The following RAB28 variants were observed in gnomAD, a reference collection of about 807,000 sequenced individuals.
The protein encoded by RAB28 is ras-related protein Rab-28.
In RAB28, 24 loss-of-function variants were observed where a neutral mutation model predicts 31.7. The ratio of observed to expected loss-of-function variants is 0.76; its 90% CI spans 0.55 to 1.06. The LOEUF (loss-of-function observed/expected upper bound fraction) is 1.06, where lower values mean the gene tolerates loss of function less well. Among genes scored for constraint, RAB28 ranks in the 50% least tolerant of loss-of-function variants. The pLI is 0.00. For missense variants in RAB28, 254 were observed against 258.5 expected (o/e 0.98, Z 0.12); for synonymous variants, 100 against 90.4 (o/e 1.11, Z -0.60).
intron 4 of RAB28, among the ~76,000 whole-genome samples, chr4:13,386,885 G>T (rs1480473519): frequency 6.6e-6 from 1 of 152,158 alleles, no homozygotes; most frequent in Admixed American, 6.5e-5. Flanking sequence ...AGACAATGCA[G>T]TACATATGCA....
chr4:13,475,060 T>C (rs1457393245), intron 2 of RAB28, among the ~76,000 whole-genome samples: 1 of 151,656 alleles, frequency 6.6e-6, no homozygotes, highest in Non-Finnish European at 1.5e-5. Context: ...AATATTACAA[T>C]GCTTTCAAAC....
At chr4:13,382,250 A>G (rs1171172189) in intron 4 of RAB28, among the ~76,000 whole-genome samples, 4 of 152,190 alleles carry the variant, frequency 2.6e-5, no homozygotes, top group Non-Finnish European at 1.5e-5. Context: ...CAGTACTCAT[A>G]TCCAATACTG....
intron 4 of RAB28, among the ~76,000 whole-genome samples, chr4:13,422,944 A>G (rs1011141437): frequency 2.0e-5 from 3 of 152,156 alleles, no homozygotes; most frequent in Admixed American, 1.3e-4. Context: ...AAAAAAGTAC[A>G]TAAACTTTAT....
chr4:13,428,824 C>G (rs189549893), intron 4 of RAB28, among the ~76,000 whole-genome samples: 77 of 151,356 alleles, frequency 5.1e-4, no homozygotes, highest in African/African-American at 1.8e-3. Flanking sequence ...AGGATAAACT[C>G]AAAGAGATTT....
chr4:13,453,515 A>G (rs1715087660), intron 4 of RAB28, among the ~76,000 whole-genome samples: 1 of 152,106 alleles, frequency 6.6e-6, no homozygotes, highest in African/African-American at 2.4e-5. Context: ...AGTACCTTGA[A>G]CATTTTTTCT....
intron 4 of RAB28, among the ~76,000 whole-genome samples, chr4:13,452,804 G>C (rs1366556684): frequency 1.3e-5 from 2 of 152,066 alleles, no homozygotes; most frequent in Non-Finnish European, 2.9e-5. Flanking sequence ...CTATCATGCA[G>C]TTTAAATCCA....
chr4:13,436,381 A>C (rs1309752455), intron 4 of RAB28, among the ~76,000 whole-genome samples: 1 of 152,178 alleles, frequency 6.6e-6, no homozygotes, highest in Non-Finnish European at 1.5e-5. Flanking sequence ...GAAAAAAATA[A>C]AGGGCATCCA....
At chr4:13,478,982 G>C (rs1716487915) in intron 2 of RAB28, among the ~76,000 whole-genome samples, 1 of 151,556 alleles carries the variant, frequency 6.6e-6, no homozygotes, top group South Asian at 2.1e-4. Context: ...TCACATATTA[G>C]AGCACAGAAG....
intron 6 of RAB28, among the ~76,000 whole-genome samples, chr4:13,376,041 T>C (rs1728909404): frequency 6.6e-6 from 1 of 152,162 alleles, no homozygotes; most frequent in Non-Finnish European, 1.5e-5. Flanking sequence ...GAAATTATAG[T>C]GGTACTTTAA....
At chr4:13,465,582 ATCT>A (rs1251788884) in intron 3 of RAB28, among the ~76,000 whole-genome samples, 1 of 151,894 alleles carries the variant, frequency 6.6e-6, no homozygotes, top group Non-Finnish European at 1.5e-5. Context: ...AGAAATAAAG[ATCT>A]TCTCAGAAAA....
At chr4:13,406,000 T>A (rs1277513666) in intron 4 of RAB28, among the ~76,000 whole-genome samples, 1 of 152,176 alleles carries the variant, frequency 6.6e-6, no homozygotes, top group Non-Finnish European at 1.5e-5. Flanking sequence ...AAACAGAACC[T>A]TTTTAAAATT....
intron 4 of RAB28, among the ~76,000 whole-genome samples, chr4:13,454,007 C>G (rs1327931322): frequency 6.6e-6 from 1 of 151,932 alleles, no homozygotes; most frequent in Non-Finnish European, 1.5e-5. Flanking sequence ...CACAATAATC[C>G]TATACATTTT....
At chr4:13,474,155 A>G (rs1716242806) in intron 3 of RAB28, 163 bp downstream of exon 3, 1 of 744,220 alleles carries the variant, frequency 1.3e-6, no homozygotes, top group South Asian at 1.4e-5. Flanking sequence ...TAATTAGGAG[A>G]GCATGAAACC....
At chr4:13,370,081 AAAATT>A in intron 6 of RAB28, 1 of 1,440,484 alleles carries the variant, frequency 6.9e-7, no homozygotes, top group South Asian at 1.5e-5. Context: ...GTAGAAAAAT[AAAATT>A]AACATATAAA....
intron 4 of RAB28, among the ~76,000 whole-genome samples, chr4:13,413,667 G>A (rs1176759601): frequency 2.0e-5 from 3 of 152,024 alleles, no homozygotes; most frequent in Non-Finnish European, 4.4e-5. Flanking sequence ...AAAAACAAAA[G>A]ATAGTAATAA....
intron 6 of RAB28, chr4:13,369,814 C>A: frequency 1.4e-6 from 2 of 1,476,188 alleles, no homozygotes; most frequent in South Asian, 1.4e-5. Context: ...AACAAGATAG[C>A]ATTCAATGGT....
At chr4:13,408,089 T>C (rs1470550415) in intron 4 of RAB28, among the ~76,000 whole-genome samples, 1 of 152,194 alleles carries the variant, frequency 6.6e-6, no homozygotes, top group Admixed American at 6.5e-5. Context: ...TGTCTTGTGC[T>C]GGTTTTCAAA....
At chr4:13,474,194 C>A (rs1046441664) in intron 3 of RAB28, 124 bp downstream of exon 3, 2 of 782,128 alleles carry the variant, frequency 2.6e-6, no homozygotes, top group South Asian at 2.7e-5. Context: ...TAAAATTATT[C>A]TCTCTACGTA....
intron 4 of RAB28, among the ~76,000 whole-genome samples, chr4:13,392,226 G>C (rs562641097): frequency 2.6e-5 from 4 of 152,112 alleles, no homozygotes; most frequent in Non-Finnish European, 5.9e-5. Flanking sequence ...GGATAAAGTG[G>C]CCTGTATATT....
Sources: gnomAD v4.1 joint callset for allele counts (sites outside exome capture counted in the v4.1 genomes callset) on GRCh38, gnomAD v4.1.1 for gene constraint, MANE v1.5 for transcripts, NCBI Gene and HGNC (gene_info 2026-07-23, HGNC 2026-07-21) for gene names.